Variants in SLC16A13 observed in about 807,000 individuals in gnomAD.
SLC16A13 encodes the protein monocarboxylate transporter 13.
In SLC16A13, 28 loss-of-function variants were observed where a neutral mutation model predicts 28.1. That is an observed-to-expected ratio of 1.00 (90% CI 0.74 to 1.37). SLC16A13 has a LOEUF of 1.37. Ranked by LOEUF, SLC16A13 falls within the 40% of genes most tolerant of loss-of-function variation. The pLI is 0.00. For synonymous variants in SLC16A13, 228 were observed against 241.6 expected, an observed-to-expected ratio of 0.94 and a Z score of 0.52; for missense variants, 482 against 531.8, an observed-to-expected ratio of 0.91 and a Z score of 0.92.
intron 2 of SLC16A13, among the ~76,000 whole-genome samples, chr17:7,037,246 G>T (rs1185376887): frequency 6.5e-5 from 9 of 139,500 alleles, no homozygotes; most frequent in African/African-American, 2.4e-4. Context: ...GGAGGCTGAG[G>T]CAGGAGAATC....
At position 7,039,849 on chromosome 17, in the gene SLC16A13, AC is replaced by A. The variant is rs1331022271; in HGVS notation, c.1171del (p.Leu391CysfsTer18). On this transcript the variant is annotated frameshift_variant, in exon 4 of 4. Coordinates refer to ENST00000308027, the MANE Select transcript of SLC16A13 (RefSeq NM_201566.3). LOFTEE classifies it low-confidence loss of function (END_TRUNC). The surrounding 1 kb of genome is among the most constrained non-coding windows in gnomAD (Gnocchi z 4.3). The part of the protein sequence containing the change: ...FLLSGSGILL[T>X]LPHFFCFSTT... ...TCTTTCAGGGAGTGGCATTCTCCTC[AC>A]CCTGCCCCACTTCTTCTGCTTCTCA... 6.2e-7 allele frequency: 1 copy of A among 1,613,792 alleles called. No individual in the cohort carries two copies. Among genetic ancestry groups the A allele is most frequent in the Admixed American group, 1.7e-5 (1 of 59,990 alleles).
At chr17:7,037,738 GA>G (rs1910622406) in intron 2 of SLC16A13, among the ~76,000 whole-genome samples, 5 of 144,912 alleles carry the variant, frequency 3.5e-5, no homozygotes, top group Admixed American at 2.1e-4. Flanking sequence ...AAAAAAAAAA[GA>G]AAAAAAAAGG....
rs759963974 is a variant in SLC16A13, at chr17:7,036,783, G to A, written c.256G>A (p.Gly86Arg). 22 of 1,613,904 alleles carry A rather than the reference G, an allele frequency of 1.4e-5. No individual in the cohort carries two copies. Among genetic ancestry groups the A allele is most frequent in the Non-Finnish European group, 1.7e-5 (20 of 1,180,036 alleles). The change falls in exon 2 of 4, where the codon GGA (glycine) becomes AGA (arginine). Residue 86 changes from glycine (G) to arginine (R), a missense_variant. Gly to Arg is a moderately radical substitution (Grantham distance 125). Transcript: ENST00000308027. Reference sequence around the variant, plus strand: ...CGGGCCCAGGCCCGTGGTGATGACTGGAGGCATCTTGGCTGCGCTGGGGAT... The same window carrying A: ...CGGGCCCAGGCCCGTGGTGATGACTAGAGGCATCTTGGCTGCGCTGGGGAT... ...KFGPRPVVMT[G>R]GILAALGMLL...
In SLC16A13 at chr17:7,039,787, A is replaced by T; in HGVS notation, c.1106A>T (p.Asn369Ile). ...GGCTACCTCCGGGATGTGACAGGCA[A>T]CTACACGGCTTCTTTTGTGGTGGCT... Reference protein sequence around the residue: ...LSGYLRDVTGNYTASFVVAGA... With the variant: ...LSGYLRDVTGIYTASFVVAGA... The change falls in exon 4 of 4, where the codon AAC becomes ATC. Residue 369 changes from asparagine to isoleucine, a missense_variant. Asn to Ile is a moderately radical substitution (Grantham distance 149, BLOSUM62 -3). Coordinates refer to ENST00000308027, the MANE Select transcript of SLC16A13 (RefSeq NM_201566.3). The surrounding 1 kb of genome is among the most constrained non-coding windows in gnomAD (Gnocchi z 4.3). 1.2e-6 allele frequency: 2 copies of T among 1,614,172 alleles called. No individual in the cohort carries two copies. Among genetic ancestry groups the T allele is most frequent in the Non-Finnish European group, 8.5e-7 (1 of 1,180,034 alleles).
Position 7,039,629 on chromosome 17 carries a change from G to C in SLC16A13, c.1082-134G>C. ...CCTTTTGGGAAACCAGAGTTCTTAA[G>C]TTTATCCAACTATTCCATGGGAGTT... On this transcript the variant is annotated intron_variant, in intron 3 of 3. Coordinates refer to ENST00000308027, the MANE Select transcript of SLC16A13 (RefSeq NM_201566.3). The surrounding 1 kb of genome is among the most constrained non-coding windows in gnomAD (Gnocchi z 4.3). The C allele has an allele frequency of 1.1e-6, 1 of 930,136 alleles. No individual in the cohort carries two copies. Among genetic ancestry groups the C allele is most frequent in the Non-Finnish European group, 1.6e-6 (1 of 619,130 alleles). 57.6% of individuals were successfully genotyped at this position (930,136 alleles called of 1,614,324 possible). A position where few individuals can be genotyped will look rare whatever the true frequency, so the allele number is the denominator to read the frequency against.
At position 7,036,742 on chromosome 17, in the gene SLC16A13, C is replaced by T. The variant is rs779746079; in HGVS notation, c.215C>T (p.Ala72Val). The T allele has an allele frequency of 6.2e-7, 1 of 1,613,014 alleles. No individual in the cohort carries two copies. Among genetic ancestry groups the T allele is most frequent in the Admixed American group, 1.7e-5 (1 of 60,028 alleles). The change falls in exon 2 of 4, where the codon GCC (alanine) becomes GTC (valine). Residue 72 changes from alanine to valine, a missense_variant. Transcript: ENST00000308027. ...ACTTCCTCAGGCCCGGTAGGCAGTG[C>T]CCTGAGCACGAAGTTCGGGCCCAGG... Reference protein sequence around the residue: ...VQQFGSPVGSALSTKFGPRPV... With the variant: ...VQQFGSPVGSVLSTKFGPRPV...
intron 2 of SLC16A13, among the ~76,000 whole-genome samples, 196 bp from the exon 3 acceptor site, chr17:7,037,956 G>A (rs1002673505): frequency 6.6e-6 from 1 of 152,210 alleles, no homozygotes; most frequent in African/African-American, 2.4e-5. Context: ...ACATTTTGCA[G>A]TTGAGAAGGT....
In SLC16A13 at chr17:7,036,256, C is replaced by A; in HGVS notation, c.-127C>A. The A allele has an allele frequency of 3.2e-6, 3 of 941,846 alleles. No homozygotes were observed. Among genetic ancestry groups the A allele is most frequent in the Non-Finnish European group, 4.8e-6 (3 of 631,218 alleles). 58.3% of individuals were successfully genotyped at this position (941,846 alleles called of 1,614,324 possible). A position where few individuals can be genotyped will look rare whatever the true frequency, so the allele number is the denominator to read the frequency against. ...CGCCGCCTCGTCGGGCCCTTCCTCT[C>A]TACCTGCCTCTCCAACCCCTCTCGG... On this transcript the variant is annotated 5_prime_UTR_variant, in exon 1 of 4. Transcript: ENST00000308027.
At position 7,036,840 on chromosome 17, in the gene SLC16A13, C is replaced by T; in HGVS notation, c.313C>T (p.His105Tyr). 2 of 1,613,606 alleles carry T rather than the reference C, an allele frequency of 1.2e-6. No individual in the cohort carries two copies. The highest frequency in any genetic ancestry group is 1.7e-6 in the Non-Finnish European group (2 of 1,180,034). The part of the protein sequence containing the change: ...LLASFATSLT[H>Y]LYLSIGLLSG... ...CGCCTCTTTTGCTACTTCCTTGACC[C>T]ACCTATACCTGAGTATTGGGTTGCT... The change falls in exon 2 of 4, where the codon CAC becomes TAC. Residue 105 changes from histidine to tyrosine, a missense_variant. His to Tyr is a moderately conservative substitution (Grantham distance 83). Transcript: ENST00000308027.
In SLC16A13 at chr17:7,038,360, C is replaced by G. The variant is rs374301039; in HGVS notation, c.552C>G (p.Ala184=). The part of the protein sequence containing the change: ...LVSALSLHLV[A]CGALLRPPSL... ...CTGCCCTCTCCCTCCACCTAGTGGC[C>G]TGTGGTGCTCTCCTCCGCCCACCCT... Residue 184 remains alanine (A), a synonymous_variant, in exon 3 of 4, where the codon GCC becomes GCG. Transcript: ENST00000308027. The surrounding 1 kb of genome is among the most constrained non-coding windows in gnomAD (Gnocchi z 5.7). The G allele has an allele frequency of 6.2e-7, 1 of 1,614,008 alleles. No homozygotes were observed. Among genetic ancestry groups the G allele is most frequent in the Admixed American group, 1.7e-5 (1 of 60,006 alleles).
rs1182972210 is a variant in SLC16A13 at position 7,038,279 on chromosome 17, C to A, written c.471C>A (p.Pro157=). 2 of 1,614,042 alleles carry A rather than the reference C, an allele frequency of 1.2e-6. No individual in the cohort carries two copies. Among genetic ancestry groups the A allele is most frequent in the Admixed American group, 1.7e-5 (1 of 59,998 alleles). Residue 157 remains proline, a synonymous_variant, in exon 3 of 4, where the codon CCC becomes CCA. Coordinates refer to ENST00000308027, the MANE Select transcript of SLC16A13 (RefSeq NM_201566.3). This position sits in a 1 kb window ranked among gnomAD's most constrained non-coding sequence, Gnocchi z 5.7. ...GCCTCTCCTCCTTCACATTTGCCCC[C>A]TTTTTCCAGTGGCTGCTCAGCCACT... ...GVGLSSFTFA[P]FFQWLLSHYA... is the part of the protein sequence containing the mutation.
Position 7,038,683 on chromosome 17 carries a change from G to T in SLC16A13, c.875G>T (p.Gly292Val). 6.2e-7 allele frequency: 1 copy of T among 1,614,198 alleles called. No individual in the cohort carries two copies. The highest frequency in any genetic ancestry group is 8.5e-7 in the Non-Finnish European group (1 of 1,180,030). Reference protein sequence around the residue: ...RLLMLWTTLTGVSLALFPVAQ... With the variant: ...RLLMLWTTLTVVSLALFPVAQ... ...CTGATGCTCTGGACCACCTTGACTG[G>T]GGTGTCACTAGCCCTGTTCCCTGTA... Residue 292 changes from glycine to valine, a missense_variant, in exon 3 of 4, where the codon GGG becomes GTG. Coordinates refer to ENST00000308027, the MANE Select transcript of SLC16A13 (RefSeq NM_201566.3). The surrounding 1 kb of genome is among the most constrained non-coding windows in gnomAD (Gnocchi z 5.7).
Position 7,040,019 on chromosome 17 carries a change from C to A in SLC16A13, c.*57C>A. On this transcript the variant is annotated 3_prime_UTR_variant, in exon 4 of 4. Transcript: ENST00000308027. ...CTTGACAGCTCCAGGTCTTCTCTTG[C>A]CACGTCTTGGTCTCCACAGAACCAC... The A allele has an allele frequency of 6.6e-7, 1 of 1,515,218 alleles. No homozygotes were observed. 93.9% of individuals were successfully genotyped at this position (1,515,218 alleles called of 1,614,324 possible). A position where few individuals can be genotyped will look rare whatever the true frequency, so the allele number is the denominator to read the frequency against.
chr17:7,038,950 A>G lies in SLC16A13; in HGVS notation c.1081+61A>G. 4 of 1,542,422 alleles carry G rather than the reference A, an allele frequency of 2.6e-6. No individual in the cohort carries two copies. Among genetic ancestry groups the G allele is most frequent in the African/African-American group, 1.4e-5 (1 of 73,034 alleles). On this transcript the variant is annotated intron_variant, in intron 3 of 3. Coordinates refer to ENST00000308027, the MANE Select transcript of SLC16A13 (RefSeq NM_201566.3). The surrounding 1 kb of genome is among the most constrained non-coding windows in gnomAD (Gnocchi z 5.7). ...CCATGTTGCACAACTAGGGGAGGGT[A>G]CTATTCTCATTACAGTGTATGTGAA...
At position 7,036,465 on chromosome 17, in the gene SLC16A13, T is replaced by C; in HGVS notation, c.83T>C (p.Phe28Ser). 1 of 1,612,208 alleles carries C rather than the reference T, an allele frequency of 6.2e-7. No homozygotes were observed. Among genetic ancestry groups the C allele is most frequent in the South Asian group, 1.1e-5 (1 of 90,992 alleles). The change falls in exon 1 of 4, where the codon TTT becomes TCT. Residue 28 changes from phenylalanine (F) to serine (S), a missense_variant. Transcript: ENST00000308027. ...LSAFFQSALV[F>S]GVLRSFGVFF... ...GCGTTCTTCCAGTCGGCGCTTGTGT[T>C]TGGGGTGCTCCGCTCCTTTGGGGTC...
In SLC16A13 at chr17:7,039,945, G is replaced by C. The variant is rs1910678208; in HGVS notation, c.1264G>C (p.Gly422Arg). The C allele has an allele frequency of 6.2e-6, 10 of 1,613,768 alleles. No individual in the cohort carries two copies. Among genetic ancestry groups the C allele is most frequent in the Non-Finnish European group, 8.5e-6 (10 of 1,179,994 alleles). Residue 422 changes from glycine to arginine, a missense_variant, in exon 4 of 4, where the codon GGG (glycine) becomes CGG (arginine). Coordinates refer to ENST00000308027, the MANE Select transcript of SLC16A13 (RefSeq NM_201566.3). This position sits in a 1 kb window ranked among gnomAD's most constrained non-coding sequence, Gnocchi z 4.3. ...LDTKVPLPKE[G>R]LEED ...TACTAAAGTTCCCCTACCCAAGGAG[G>C]GGCTGGAAGAGGACTGAACTCCACA...
chr17:7,038,985 C>T lies in SLC16A13; in HGVS notation c.1081+96C>T, dbSNP rs1910656768. On this transcript the variant is annotated intron_variant, in intron 3 of 3. Transcript: ENST00000308027. The surrounding 1 kb of genome is among the most constrained non-coding windows in gnomAD (Gnocchi z 5.7). ...TTACAGTGTATGTGAATATTGCCCT[C>T]TGGTGTAGTACAGTACACAGCCTGC... The T allele has an allele frequency of 2.7e-6, 4 of 1,478,986 alleles. No individual in the cohort carries two copies. Among genetic ancestry groups the T allele is most frequent in the Non-Finnish European group, 3.6e-6 (4 of 1,107,712 alleles). 91.6% of individuals were successfully genotyped at this position (1,478,986 alleles called of 1,614,324 possible).
chr17:7,039,780 A>G lies in SLC16A13; in HGVS notation c.1099A>G (p.Thr367Ala), dbSNP rs760777801. The G allele has an allele frequency of 6.2e-7, 1 of 1,614,170 alleles. No homozygotes were observed. Among genetic ancestry groups the G allele is most frequent in the Non-Finnish European group, 8.5e-7 (1 of 1,180,020 alleles). The change falls in exon 4 of 4, where the codon ACA becomes GCA. Residue 367 changes from threonine (T) to alanine (A), a missense_variant. Transcript: ENST00000308027. The surrounding 1 kb of genome is among the most constrained non-coding windows in gnomAD (Gnocchi z 4.3). ...PPLSGYLRDV[T>A]GNYTASFVVA... ...GGACCTAGGCTACCTCCGGGATGTG[A>G]CAGGCAACTACACGGCTTCTTTTGT... is the stretch of plus-strand genomic sequence containing the variant.
In SLC16A13 at chr17:7,036,315, A is replaced by G; in HGVS notation, c.-68A>G. 2 of 1,492,602 alleles carry G rather than the reference A, an allele frequency of 1.3e-6. No homozygotes were observed. The highest frequency in any genetic ancestry group is 1.8e-6 in the Non-Finnish European group (2 of 1,105,590). The allele number at this position is 1,492,602 out of a possible 1,614,324, so 92.5% of individuals were successfully genotyped here. ...CACCCGGCAGCGGGGGTGGGTGTGC[A>G]GAGGTGCGGCGTCCAGAACCCGGCT... On this transcript the variant is annotated 5_prime_UTR_variant, in exon 1 of 4. Coordinates refer to ENST00000308027, the MANE Select transcript of SLC16A13 (RefSeq NM_201566.3).
Sources: gnomAD v4.1 joint callset for allele counts (sites outside exome capture counted in the v4.1 genomes callset) on GRCh38, gnomAD v4.1.1 for gene constraint, Gnocchi (gnomAD v3.1) non-coding constraint, MANE v1.5 for transcripts, NCBI Gene and HGNC (gene_info 2026-07-23, HGNC 2026-07-21) for gene names.